Variants in KCNH8 observed in about 807,000 individuals in gnomAD.
KCNH8 encodes the protein voltage-gated delayed rectifier potassium channel KCNH8.
A neutral mutation model predicts 103.6 loss-of-function variants in KCNH8; 70 were observed. The ratio of observed to expected loss-of-function variants is 0.68; its 90% CI spans 0.56 to 0.82. KCNH8 has a LOEUF of 0.82. Among genes scored for constraint, KCNH8 ranks in the 40% least tolerant of loss-of-function variants. The pLI, the probability that KCNH8 is intolerant of heterozygous loss-of-function variation, is 0.00. For missense variants in KCNH8, 1,217 were observed against 1,329.9 expected, an observed-to-expected ratio of 0.92 and a Z score of 1.32; for synonymous variants, 498 against 489.4, an observed-to-expected ratio of 1.02 and a Z score of -0.23.
chr3:19,436,415 C>A (rs367764729), intron 7 of KCNH8, among the ~76,000 whole-genome samples: 58 of 152,314 alleles, frequency 3.8e-4, no homozygotes, highest in African/African-American at 1.3e-3. Context: ...AGTACAGTCA[C>A]ATGTTGTCTT....
At chr3:19,423,308 T>G (rs2125158684) in intron 7 of KCNH8, among the ~76,000 whole-genome samples, 3 of 152,218 alleles carry the variant, frequency 2.0e-5, no homozygotes, top group Admixed American at 2.0e-4. Flanking sequence ...TTTCAATAGT[T>G]TCTGGGGGAA....
intron 7 of KCNH8, among the ~76,000 whole-genome samples, chr3:19,432,123 A>G (rs1358924570): frequency 1.2e-4 from 19 of 152,306 alleles, no homozygotes; most frequent in Admixed American, 7.8e-4. Flanking sequence ...GGTTATTTGT[A>G]TACAATATTC....
Position 19,512,958 on chromosome 3 carries a change from C to T in KCNH8, c.2080-12C>T. The T allele has an allele frequency of 6.2e-7, 1 of 1,607,746 alleles. No individual in the cohort carries two copies. The highest frequency in any genetic ancestry group is 8.5e-7 in the Non-Finnish European group (1 of 1,177,316). ...TGCAGTCTGTACTAATTTATATTAT[C>T]CACTGATTTAGTCAGAGCCCAAGGG... On this transcript the variant is annotated splice_polypyrimidine_tract_variant and intron_variant, in intron 12 of 15. Coordinates refer to ENST00000328405, the MANE Select transcript of KCNH8 (RefSeq NM_144633.3).
At chr3:19,203,322 A>T (rs951250624) in intron 1 of KCNH8, among the ~76,000 whole-genome samples, 3 of 152,118 alleles carry the variant, frequency 2.0e-5, no homozygotes, top group Non-Finnish European at 2.9e-5. Flanking sequence ...CAGAATAGAG[A>T]CAAATTATTG....
chr3:19,229,535 G>A (rs973509043), intron 1 of KCNH8, among the ~76,000 whole-genome samples: 9 of 152,218 alleles, frequency 5.9e-5, no homozygotes, highest in African/African-American at 4.8e-5. Flanking sequence ...TTCAGCCACT[G>A]CTGGATCAGC....
intron 7 of KCNH8, among the ~76,000 whole-genome samples, chr3:19,397,531 A>G (rs1429565542): frequency 6.8e-6 from 1 of 147,146 alleles, no homozygotes; most frequent in Non-Finnish European, 1.5e-5. Context: ...GTGTGTATAT[A>G]TACACACATA....
intron 1 of KCNH8, among the ~76,000 whole-genome samples, chr3:19,196,292 A>G (rs1575428524): frequency 6.6e-6 from 1 of 152,004 alleles, no homozygotes; most frequent in South Asian, 2.1e-4. Context: ...ATATATTGAT[A>G]AAAGGATTAG....
At chr3:19,241,591 G>A (rs1259131028) in intron 1 of KCNH8, among the ~76,000 whole-genome samples, 5 of 152,120 alleles carry the variant, frequency 3.3e-5, no homozygotes, top group Non-Finnish European at 7.4e-5. Context: ...AGACAATTTT[G>A]TAAATTGCAG....
At chr3:19,403,663 G>A (rs1025142513) in intron 7 of KCNH8, among the ~76,000 whole-genome samples, 4 of 151,410 alleles carry the variant, frequency 2.6e-5, no homozygotes, top group African/African-American at 4.8e-5. Context: ...ATAGAAAAGC[G>A]CAGGTTTTGA....
chr3:19,170,869 G>T (rs1296332513), intron 1 of KCNH8, among the ~76,000 whole-genome samples: 1 of 147,706 alleles, frequency 6.8e-6, no homozygotes, highest in Non-Finnish European at 1.5e-5. Flanking sequence ...GAGTGCAGTG[G>T]CGCAAAATAT....
chr3:19,281,227 G>GGCA lies in KCNH8; in HGVS notation c.340_341insGCA (p.Val114delinsGlyIle). On this transcript the variant is annotated protein_altering_variant, in exon 3 of 16. Transcript: ENST00000328405. ...TCCATTTTGGTGCCTACTGGATATT[G>GGCA]TTCCCATAAAGAATGAAAAAGGAGA... 3 of 1,610,604 alleles carry GGCA rather than the reference G, an allele frequency of 1.9e-6. No individual in the cohort carries two copies. Among genetic ancestry groups the GGCA allele is most frequent in the Non-Finnish European group, 2.5e-6 (3 of 1,178,092 alleles).
At chr3:19,191,543 T>G (rs1170335132) in intron 1 of KCNH8, among the ~76,000 whole-genome samples, 1 of 151,834 alleles carries the variant, frequency 6.6e-6, no homozygotes, top group East Asian at 1.9e-4. Context: ...TTTCTAAGGC[T>G]TAGGGAAATT....
intron 11 of KCNH8, among the ~76,000 whole-genome samples, chr3:19,481,770 G>T (rs553137942): frequency 2.6e-5 from 4 of 152,146 alleles, no homozygotes; most frequent in Non-Finnish European, 4.4e-5. Flanking sequence ...AGTACATCAG[G>T]CATTTATTCT....
At chr3:19,346,809 T>C (rs2065735894) in intron 4 of KCNH8, 6 of 401,252 alleles carry the variant, frequency 1.5e-5, no homozygotes, top group South Asian at 1.1e-4. Flanking sequence ...CCATTACCTA[T>C]CTTATATTTC....
chr3:19,148,943 G>A, intron 1 of KCNH8, 148 bp downstream of exon 1: 1 of 741,956 alleles, frequency 1.3e-6, no homozygotes, highest in Non-Finnish European at 2.4e-6. Flanking sequence ...GGAGAAATTT[G>A]TTCCCTCATG....
intron 3 of KCNH8, among the ~76,000 whole-genome samples, chr3:19,298,748 C>G (rs2065026165): frequency 6.6e-6 from 1 of 151,796 alleles, no homozygotes; most frequent in Non-Finnish European, 1.5e-5. Flanking sequence ...TGGTGAAACC[C>G]CGTCTCTACT....
chr3:19,483,482 C>T (rs139796477), intron 11 of KCNH8, among the ~76,000 whole-genome samples: 27 of 152,040 alleles, frequency 1.8e-4, no homozygotes, highest in Admixed American at 5.9e-4. Context: ...TTTTCTGAGC[C>T]GGGAATTCAT....
Position 19,263,601 on chromosome 3 carries a change from G to A in KCNH8, c.310+9714G>A, listed in dbSNP as rs764878257. 1.4e-4 allele frequency among the ~76,000 whole-genome samples: 21 copies of A among 152,188 alleles called. No individual in the cohort carries two copies. In the East Asian group the frequency reaches 1.7e-3, roughly 13 times the overall value. On this transcript the variant is annotated intron_variant, in intron 2 of 15. Coordinates refer to ENST00000328405, the MANE Select transcript of KCNH8 (RefSeq NM_144633.3). ...GTCAGCATGGTGGGTTTGGGTAGTC[G>A]CTAGTCTGGTAGTCTAGTGTTTCAT...
chr3:19,363,875 T>G (rs2065977047), intron 5 of KCNH8, among the ~76,000 whole-genome samples: 4 of 152,108 alleles, frequency 2.6e-5, no homozygotes, highest in African/African-American at 9.7e-5. Flanking sequence ...CATTTCCTCC[T>G]TAGGTAAAAT....
Sources: gnomAD v4.1 joint callset for allele counts (sites outside exome capture counted in the v4.1 genomes callset) on GRCh38, gnomAD v4.1.1 for gene constraint, MANE v1.5 for transcripts, NCBI Gene and HGNC (gene_info 2026-07-23, HGNC 2026-07-21) for gene names.